SAMD4A: variants seen among roughly 807,000 people sequenced by gnomAD.
SAMD4A encodes the protein protein Smaug homolog 1.
A neutral mutation model predicts 81.3 loss-of-function variants in SAMD4A; 33 were observed. That is an observed-to-expected ratio of 0.41 (90% CI 0.31 to 0.54). The LOEUF (loss-of-function observed/expected upper bound fraction) is 0.54, where lower values mean the gene tolerates loss of function less well. Ranked by LOEUF, SAMD4A falls within the 20% of genes least tolerant of loss-of-function variation. SAMD4A has a pLI of 0.37. For missense variants in SAMD4A, 854 were observed against 951.1 expected, an observed-to-expected ratio of 0.90 and a Z score of 1.34; for synonymous variants, 389 against 382.1, an observed-to-expected ratio of 1.02 and a Z score of -0.21.
chr14:54,590,746 G>A (rs1031564920), intron 2 of SAMD4A, among the ~76,000 whole-genome samples: 20 of 152,168 alleles, frequency 1.3e-4, no homozygotes, highest in African/African-American at 3.9e-4. Flanking sequence ...CACATGAGCT[G>A]TGTATTCCCC....
intron 8 of SAMD4A, 123 bp from the exon 9 acceptor site, chr14:54,769,981 G>T: frequency 1.5e-6 from 1 of 683,880 alleles, no homozygotes; most frequent in Non-Finnish European, 2.6e-6. Flanking sequence ...TTTGGACCAG[G>T]TTAGAAACAG....
chr14:54,569,470 G>A lies in SAMD4A; in HGVS notation c.196+1358G>A, dbSNP rs144205238. Reference sequence around the variant, plus strand: ...ATGGCCAAGTATGGAGGGCCACATTGAGGGAGATTCCATTGAGCCCGAGCC... The same window carrying A: ...ATGGCCAAGTATGGAGGGCCACATTAAGGGAGATTCCATTGAGCCCGAGCC... On this transcript the variant is annotated intron_variant, in intron 2 of 12. Coordinates refer to ENST00000554335, the MANE Select transcript of SAMD4A (RefSeq NM_015589.6). Among the ~76,000 whole-genome samples the A allele has an allele frequency of 2.8e-3, 422 of 152,304 alleles. 3 individuals carry two copies. Among genetic ancestry groups the A allele is most frequent in the South Asian group, 0.013 (64 of 4,822 alleles).
intron 2 of SAMD4A, chr14:54,687,212 C>T (rs2036295379): frequency 2.6e-6 from 1 of 379,688 alleles, no homozygotes; most frequent in Non-Finnish European, 5.1e-6. Context: ...CAGCACTGTT[C>T]CTCTTAATGT....
In SAMD4A at chr14:54,792,892, C is replaced by G. The variant is rs1230401501; in HGVS notation, c.*3948C>G. 6.6e-6 allele frequency: 1 copy of G among 152,078 alleles called. No homozygotes were observed. Among genetic ancestry groups the G allele is most frequent in the Non-Finnish European group, 1.5e-5 (1 of 68,008 alleles). 9.4% of individuals were successfully genotyped at this position (152,078 alleles called of 1,614,324 possible). A position where few individuals can be genotyped will look rare whatever the true frequency, so the allele number is the denominator to read the frequency against. ...AATATATAATCCTCATGTATTTATG[C>G]CTAATGTAAGCTGACTTTTAAAAAG... On this transcript the variant is annotated 3_prime_UTR_variant, in exon 13 of 13. Coordinates refer to ENST00000554335, the MANE Select transcript of SAMD4A (RefSeq NM_015589.6).
chr14:54,589,393 T>C (rs886380208), intron 2 of SAMD4A, among the ~76,000 whole-genome samples: 1 of 152,204 alleles, frequency 6.6e-6, no homozygotes, highest in Admixed American at 6.5e-5. Context: ...ATGTGTGGTA[T>C]AGATATTTTG....
At chr14:54,624,547 A>T (rs1393320577) in intron 2 of SAMD4A, among the ~76,000 whole-genome samples, 6 of 152,268 alleles carry the variant, frequency 3.9e-5, no homozygotes, top group African/African-American at 9.6e-5. Context: ...AACTGAGCAC[A>T]AATGATGTGC....
chr14:54,744,259 G>A (rs986006761), intron 4 of SAMD4A, among the ~76,000 whole-genome samples: 10 of 152,258 alleles, frequency 6.6e-5, no homozygotes, highest in Admixed American at 1.3e-4. Flanking sequence ...GTCTTCTGGG[G>A]TTTCCTTGTT....
At chr14:54,767,781 T>A (rs2038591568) in intron 8 of SAMD4A, among the ~76,000 whole-genome samples, 1 of 152,164 alleles carries the variant, frequency 6.6e-6, no homozygotes, top group South Asian at 2.1e-4. Flanking sequence ...AGATCCCCCA[T>A]AACTGAGCAC....
chr14:54,661,471 TA>T (rs2035641425), intron 2 of SAMD4A, among the ~76,000 whole-genome samples: 1 of 152,228 alleles, frequency 6.6e-6, no homozygotes, highest in Non-Finnish European at 1.5e-5. Context: ...AGCAAGCCCC[TA>T]AAGTAGACCC....
chr14:54,679,564 C>T (rs1361246691), intron 2 of SAMD4A, among the ~76,000 whole-genome samples: 1 of 152,134 alleles, frequency 6.6e-6, no homozygotes, highest in African/African-American at 2.4e-5. Flanking sequence ...GAGTGAAGGT[C>T]TTTAAATGAG....
Position 54,691,549 on chromosome 14 carries a change from CAAAAAA to C in SAMD4A, c.197-10492_197-10487del, listed in dbSNP as rs10610242. On this transcript the variant is annotated intron_variant, in intron 2 of 12. Coordinates refer to ENST00000554335, the MANE Select transcript of SAMD4A (RefSeq NM_015589.6). ...GCAATGAAAAAGTAGCTTCCCTTCT[CAAAAAA>C]AAAAAAAAAAAAAAAAAAAATCTGA... Among the ~76,000 whole-genome samples, 695 of 101,072 alleles carry C rather than the reference CAAAAAA, an allele frequency of 6.9e-3. 8 individuals carry two copies. Among genetic ancestry groups the C allele is most frequent in the African/African-American group, 0.024 (665 of 27,158 alleles). 66.3% of individuals were successfully genotyped at this position (101,072 alleles called of 152,430 possible). A position where few individuals can be genotyped will look rare whatever the true frequency, so the allele number is the denominator to read the frequency against.
intron 2 of SAMD4A, among the ~76,000 whole-genome samples, chr14:54,623,072 C>A (rs527486028): frequency 7.2e-5 from 11 of 152,200 alleles, no homozygotes; most frequent in African/African-American, 2.7e-4. Flanking sequence ...CTCCCAGCTC[C>A]CATGAGTGCA....
chr14:54,635,082 C>G (rs2035001411), intron 2 of SAMD4A, among the ~76,000 whole-genome samples: 1 of 152,104 alleles, frequency 6.6e-6, no homozygotes, highest in South Asian at 2.1e-4. Flanking sequence ...CTTAATAGTT[C>G]ACAAATCACT....
At chr14:54,781,603 G>C (rs1400346639) in intron 11 of SAMD4A, among the ~76,000 whole-genome samples, 3 of 152,242 alleles carry the variant, frequency 2.0e-5, no homozygotes, top group Admixed American at 6.5e-5. Flanking sequence ...CTCAGTTAAA[G>C]AGGGGTCTTT....
intron 3 of SAMD4A, among the ~76,000 whole-genome samples, chr14:54,717,321 G>C (rs2037143287): frequency 6.6e-6 from 1 of 151,514 alleles, no homozygotes; most frequent in Non-Finnish European, 1.5e-5. Flanking sequence ...TTACACCTGT[G>C]GTCCCAGCTC....
intron 2 of SAMD4A, among the ~76,000 whole-genome samples, chr14:54,639,328 A>G (rs2035111438): frequency 6.6e-6 from 1 of 152,226 alleles, no homozygotes. Context: ...TGGAGATGTA[A>G]GAAACATGGT....
At position 54,760,648 on chromosome 14, in the gene SAMD4A, G is replaced by A. The variant is rs538848374; in HGVS notation, c.1510+154G>A. Among the ~76,000 whole-genome samples, 25 of 152,344 alleles carry A rather than the reference G, an allele frequency of 1.6e-4. No individual in the cohort carries two copies. The South Asian group carries it at 3.7e-3, about 23-fold the overall frequency. ...AGATAGGGAAAGTGCAGTTCAGAGA[G>A]GTTAAGCCTTTTGGGTTTGAACTGC... On this transcript the variant is annotated intron_variant, in intron 7 of 12. Coordinates refer to ENST00000554335, the MANE Select transcript of SAMD4A (RefSeq NM_015589.6).
rs540837424 is a variant in SAMD4A, at chr14:54,672,398, C to T, written c.197-29664C>T. ...GAGACTATTTTCAGTCATCTGCAGACGTCTCACTTTGTCATGATGTGGAAT... is the reference window on the plus strand; with the variant it reads ...GAGACTATTTTCAGTCATCTGCAGATGTCTCACTTTGTCATGATGTGGAAT... On this transcript the variant is annotated intron_variant, in intron 2 of 12. Coordinates refer to ENST00000554335, the MANE Select transcript of SAMD4A (RefSeq NM_015589.6). 1.6e-3 allele frequency among the ~76,000 whole-genome samples: 249 copies of T among 152,208 alleles called. 1 individual carries two copies. Among genetic ancestry groups the T allele is most frequent in the Admixed American group, 3.9e-3 (60 of 15,290 alleles).
chr14:54,669,445 C>CTTTT lies in SAMD4A; in HGVS notation c.197-32598_197-32595dup, dbSNP rs11406251. Among the ~76,000 whole-genome samples, 82 of 103,260 alleles carry CTTTT rather than the reference C, an allele frequency of 7.9e-4. 2 individuals carry two copies. The highest frequency in any genetic ancestry group is 1.8e-3 in the African/African-American group (49 of 26,506). 67.7% of individuals were successfully genotyped at this position (103,260 alleles called of 152,430 possible). On this transcript the variant is annotated intron_variant, in intron 2 of 12. Coordinates refer to ENST00000554335, the MANE Select transcript of SAMD4A (RefSeq NM_015589.6). The stretch of plus-strand genomic sequence containing the variant: ...TTATTTTTAGAAGCAACGCTTCTTT[C>CTTTT]TTTTTTTTTTTTTTTTTTTTTTAGA...
Sources: allele counts gnomAD v4.1 joint callset (sites outside exome capture counted in the v4.1 genomes callset), GRCh38; gene constraint gnomAD v4.1.1; transcripts MANE v1.5; gene names NCBI Gene and HGNC (gene_info 2026-07-23, HGNC 2026-07-21).